Variants in IRF5 observed in about 807,000 individuals in gnomAD.
The protein encoded by IRF5 is interferon regulatory factor 5.
In IRF5, 24 loss-of-function variants were observed where a neutral mutation model predicts 55.1. The ratio of observed to expected loss-of-function variants is 0.44; its 90% CI spans 0.32 to 0.61. The LOEUF (loss-of-function observed/expected upper bound fraction) is 0.61. Ranked by LOEUF, IRF5 falls within the 20% of genes least tolerant of loss-of-function variation. IRF5 has a pLI of 0.07. For synonymous variants in IRF5, 258 were observed against 260.2 expected (o/e 0.99, Z 0.08); for missense variants, 499 against 658.5 (o/e 0.76, Z 2.65).
chr7:128,948,970 A>C lies in IRF5; in HGVS notation c.*152A>C. 1 of 914,322 alleles carries C rather than the reference A, an allele frequency of 1.1e-6. No homozygotes were observed. Among genetic ancestry groups the C allele is most frequent in the Non-Finnish European group, 1.6e-6 (1 of 621,814 alleles). The allele number at this position is 914,322 out of a possible 1,614,324, so 56.6% of individuals were successfully genotyped here. On this transcript the variant is annotated 3_prime_UTR_variant, in exon 9 of 9. Transcript: ENST00000357234. The surrounding 1 kb of genome is among the most constrained non-coding windows in gnomAD (Gnocchi z 4.6). ...TTTGGGCCAAGAAGGAGAGGGAGAAAGGCCCGAGCCCCTGCCTTCCCGGGC... is the reference window on the plus strand; with the variant it reads ...TTTGGGCCAAGAAGGAGAGGGAGAACGGCCCGAGCCCCTGCCTTCCCGGGC...
At position 128,942,075 on chromosome 7, in the gene IRF5, C is replaced by T. The variant is rs774284146; in HGVS notation, c.-7C>T. ...CCCTCTGGCTTTCTCCTGCAGACCC[C>T]TCTGCCATGAACCAGTCCATCCCAG... On this transcript the variant is annotated 5_prime_UTR_variant, in exon 2 of 9. Coordinates refer to ENST00000357234, the MANE Select transcript of IRF5 (RefSeq NM_001098629.3). 6.3e-6 allele frequency: 10 copies of T among 1,598,008 alleles called. No homozygotes were observed. The highest frequency in any genetic ancestry group is 1.1e-5 in the South Asian group (1 of 89,174).
At position 128,942,119 on chromosome 7, in the gene IRF5, G is replaced by C. The variant is rs367931039; in HGVS notation, c.38G>C (p.Arg13Pro). Residue 13 changes from arginine to proline, a missense_variant, in exon 2 of 9, where the codon CGC (arginine) becomes CCC (proline). Arg to Pro is a moderately radical substitution (Grantham distance 103). Transcript: ENST00000357234. ...QSIPVAPTPP[R>P]RVRLKPWLVA... is the part of the protein sequence containing the mutation. The stretch of plus-strand genomic sequence containing the variant: ...ATCCCAGTGGCTCCCACCCCACCCC[G>C]CCGCGTGCGGCTGAAGCCCTGGCTG... 1 of 1,611,812 alleles carries C rather than the reference G, an allele frequency of 6.2e-7. No individual in the cohort carries two copies. The highest frequency in any genetic ancestry group is 8.5e-7 in the Non-Finnish European group (1 of 1,179,258).
intron 2 of IRF5, among the ~76,000 whole-genome samples, chr7:128,945,271 C>G (rs1427775982): frequency 6.6e-6 from 1 of 152,160 alleles, no homozygotes; most frequent in Non-Finnish European, 1.5e-5. Context: ...CACCACTATG[C>G]CCAGCTAATT....
intron 2 of IRF5, 129 bp downstream of exon 2, chr7:128,942,405 C>T (rs1238309500): frequency 1.5e-5 from 11 of 718,830 alleles, no homozygotes; most frequent in South Asian, 1.9e-5. Flanking sequence ...CTGCTGATGC[C>T]GGGCCCGGAC....
rs1470166337 is a variant in IRF5 at position 128,937,965 on chromosome 7, G to A, written c.-96G>A. 1.3e-5 allele frequency: 2 copies of A among 152,282 alleles called. No homozygotes were observed. Among genetic ancestry groups the A allele is most frequent in the African/African-American group, 4.8e-5 (2 of 41,446 alleles). The allele number at this position is 152,282 out of a possible 1,614,324, so 9.4% of individuals were successfully genotyped here. On this transcript the variant is annotated 5_prime_UTR_variant, in exon 1 of 9. Transcript: ENST00000357234. Reference sequence around the variant, plus strand: ...GCCCGGCAGGTTGGCGGACCGGCGGGAGGCGCAGCCTGGGCAGAGCTCAGC... The same window carrying A: ...GCCCGGCAGGTTGGCGGACCGGCGGAAGGCGCAGCCTGGGCAGAGCTCAGC...
At chr7:128,943,500 G>C (rs1796141397) in intron 2 of IRF5, among the ~76,000 whole-genome samples, 3 of 149,746 alleles carry the variant, frequency 2.0e-5, no homozygotes, top group Middle Eastern at 3.5e-3. Context: ...TCAGCTTCCT[G>C]AGTAGCCGTG....
At position 128,946,362 on chromosome 7, in the gene IRF5, C is replaced by T; in HGVS notation, c.386-139C>T. 1 of 1,051,870 alleles carries T rather than the reference C, an allele frequency of 9.5e-7. No individual in the cohort carries two copies. Among genetic ancestry groups the T allele is most frequent in the Non-Finnish European group, 1.4e-6 (1 of 726,924 alleles). 65.2% of individuals were successfully genotyped at this position (1,051,870 alleles called of 1,614,324 possible). A position where few individuals can be genotyped will look rare whatever the true frequency, so the allele number is the denominator to read the frequency against. ...CTTTCCCAATCCTGGTGGCTGTGCC[C>T]TCCACCTCGCCCTGTGTTGGGGGCA... On this transcript the variant is annotated intron_variant, in intron 3 of 8. Transcript: ENST00000357234. This position sits in a 1 kb window ranked among gnomAD's most constrained non-coding sequence, Gnocchi z 4.2.
chr7:128,945,823 C>T (rs534302042), intron 2 of IRF5, 22 bp from the exon 3 acceptor site: 46 of 1,594,960 alleles, frequency 2.9e-5, no homozygotes, highest in East Asian at 1.6e-4. Flanking sequence ...TCTCTGTGGT[C>T]GGCTATTTCT....
Position 128,948,093 on chromosome 7 carries a change from G to A in IRF5, c.1152G>A (p.Lys384=). ...CCATCCAGCGGGAGGTCAAGACCAA[G>A]CTTTTCAGCCTGGAGCATTTTCTCA... ...PNPIQREVKT[K]LFSLEHFLNE... Residue 384 remains lysine (K), a synonymous_variant, in exon 7 of 9, where the codon AAG becomes AAA. Coordinates refer to ENST00000357234, the MANE Select transcript of IRF5 (RefSeq NM_001098629.3). This position sits in a 1 kb window ranked among gnomAD's most constrained non-coding sequence, Gnocchi z 4.6. 2 of 1,614,112 alleles carry A rather than the reference G, an allele frequency of 1.2e-6. No individual in the cohort carries two copies. Among genetic ancestry groups the A allele is most frequent in the Admixed American group, 3.3e-5 (2 of 60,024 alleles).
chr7:128,941,623 G>A (rs576237631), intron 1 of IRF5, among the ~76,000 whole-genome samples: 5 of 152,070 alleles, frequency 3.3e-5, no homozygotes, highest in Non-Finnish European at 7.4e-5. Context: ...GGCTGTCTTC[G>A]GGCTGATCCC....
At position 128,945,967 on chromosome 7, in the gene IRF5, GC is replaced by G; in HGVS notation, c.322del (p.Arg108GlyfsTer50). ...SRDFRLIYDG[P>X]RDMPPQPYKI... ...GGGACTTCCGCCTCATCTACGACGGGCCCCGGGACATGCCACCTCAGCCCTA... is the reference window on the plus strand; with the variant it reads ...GGGACTTCCGCCTCATCTACGACGGGCCCGGGACATGCCACCTCAGCCCTA... On this transcript the variant is annotated frameshift_variant, in exon 3 of 9. Transcript: ENST00000357234. LOFTEE classifies it high-confidence loss of function. 1 of 1,613,298 alleles carries G rather than the reference GC, an allele frequency of 6.2e-7. No individual in the cohort carries two copies. Among genetic ancestry groups the G allele is most frequent in the East Asian group, 2.2e-5 (1 of 44,856 alleles).
At chr7:128,942,304 A>T in intron 2 of IRF5, 28 bp downstream of exon 2, 1 of 1,587,576 alleles carries the variant, frequency 6.3e-7, no homozygotes, top group East Asian at 2.3e-5. Context: ...GGTTGGCTGG[A>T]CCTCCAGGGC....
chr7:128,943,729 T>G (rs1585298437), intron 2 of IRF5, among the ~76,000 whole-genome samples: 1 of 132,224 alleles, frequency 7.6e-6, no homozygotes, highest in South Asian at 2.6e-4. Flanking sequence ...TTTTTTTTTT[T>G]TTTTTTTTTT....
Position 128,948,622 on chromosome 7 carries a change from T to G in IRF5, c.1349T>G (p.Leu450Arg). The G allele has an allele frequency of 5.6e-6, 9 of 1,614,180 alleles. No individual in the cohort carries two copies. The highest frequency in any genetic ancestry group is 6.8e-6 in the Non-Finnish European group (8 of 1,180,030). Residue 450 changes from leucine (L) to arginine (R), a missense_variant, in exon 9 of 9, where the codon CTA becomes CGA. Coordinates refer to ENST00000357234, the MANE Select transcript of IRF5 (RefSeq NM_001098629.3). This position sits in a 1 kb window ranked among gnomAD's most constrained non-coding sequence, Gnocchi z 4.6. ...CTGCTGGAGATGTTCTCAGGGGAGCTATCTTGGTCAGCTGATAGTATCCGG... is the reference window on the plus strand; with the variant it reads ...CTGCTGGAGATGTTCTCAGGGGAGCGATCTTGGTCAGCTGATAGTATCCGG... Reference protein sequence around the residue: ...RLLLEMFSGELSWSADSIRLQ... With the variant: ...RLLLEMFSGERSWSADSIRLQ...
rs1240619488 is a variant in IRF5, at chr7:128,947,321, G to A, written c.573G>A (p.Arg191=). 2.4e-6 allele frequency: 1 copy of A among 413,396 alleles called. No homozygotes were observed. Among genetic ancestry groups the A allele is most frequent in the Non-Finnish European group, 3.4e-6 (1 of 290,854 alleles). 25.6% of individuals were successfully genotyped at this position (413,396 alleles called of 1,614,324 possible). ...CCACTCTGCAGCCGCCCACTCTGCG[G>A]CCGCCTACTCTGCAGCCGCCCACTC... ...WPPTLQPPTL[R]PPTLQPPTLQ... Residue 191 remains arginine (R), a synonymous_variant, in exon 6 of 9, where the codon CGG becomes CGA. Coordinates refer to ENST00000357234, the MANE Select transcript of IRF5 (RefSeq NM_001098629.3). The surrounding 1 kb of genome is among the most constrained non-coding windows in gnomAD (Gnocchi z 6.5).
At position 128,946,428 on chromosome 7, in the gene IRF5, C is replaced by A. The variant is rs80269234; in HGVS notation, c.386-73C>A. 4 of 1,538,676 alleles carry A rather than the reference C, an allele frequency of 2.6e-6. No homozygotes were observed. The African/African-American group carries it at 5.5e-5, about 21-fold the overall frequency. ...GAAGCTGCATAGGAGCTACAGGCAG[C>A]CTCTCAGGGGATCTTGCTTCTCCTC... On this transcript the variant is annotated intron_variant, in intron 3 of 8. Coordinates refer to ENST00000357234, the MANE Select transcript of IRF5 (RefSeq NM_001098629.3). The surrounding 1 kb of genome is among the most constrained non-coding windows in gnomAD (Gnocchi z 4.2).
At position 128,948,353 on chromosome 7, in the gene IRF5, G is replaced by C. The variant is rs753651583; in HGVS notation, c.1299+25G>C. 1 of 1,554,724 alleles carries C rather than the reference G, an allele frequency of 6.4e-7. No homozygotes were observed. Among genetic ancestry groups the C allele is most frequent in the South Asian group, 1.2e-5 (1 of 81,786 alleles). On this transcript the variant is annotated intron_variant, in intron 8 of 8. Transcript: ENST00000357234. This position sits in a 1 kb window ranked among gnomAD's most constrained non-coding sequence, Gnocchi z 4.6. ...GGTACATCTCCCCTATCCCAAAGTCGGCCTTGGCTTGAAAACTGGGGAATC... is the reference window on the plus strand; with the variant it reads ...GGTACATCTCCCCTATCCCAAAGTCCGCCTTGGCTTGAAAACTGGGGAATC...
chr7:128,939,076 A>T (rs112636534), intron 1 of IRF5, among the ~76,000 whole-genome samples: 3,064 of 149,022 alleles, frequency 0.021, 65 homozygotes, highest in East Asian at 0.054. Flanking sequence ...GGGGCGGAGG[A>T]CTGGGCTGGG....
intron 1 of IRF5, among the ~76,000 whole-genome samples, chr7:128,939,279 G>A (rs1795895947): frequency 6.6e-6 from 1 of 152,130 alleles, no homozygotes; most frequent in Admixed American, 6.5e-5. Flanking sequence ...GAAGCACTGG[G>A]AAATCACCCC....
Sources: allele counts gnomAD v4.1 joint callset (sites outside exome capture counted in the v4.1 genomes callset), GRCh38; gene constraint gnomAD v4.1.1; non-coding constraint Gnocchi (gnomAD v3.1); transcripts MANE v1.5; gene names NCBI Gene and HGNC (gene_info 2026-07-23, HGNC 2026-07-21).